The following METTL15 variants were observed in gnomAD, a reference collection of about 807,000 sequenced individuals.
The protein encoded by METTL15 is 12S rRNA N(4)-cytidine methyltransferase METTL15.
In METTL15, 34 loss-of-function variants were observed where a neutral mutation model predicts 38.3. The ratio of observed to expected loss-of-function variants is 0.89; its 90% CI spans 0.68 to 1.18. METTL15 has a LOEUF of 1.18. METTL15 is among the 50% of genes most tolerant of loss of function. METTL15 has a pLI of 0.00. For missense variants in METTL15, 438 were observed against 498.4 expected (o/e 0.88, Z 1.15); for synonymous variants, 162 against 170.9 (o/e 0.95, Z 0.41).
intron 5 of METTL15, among the ~76,000 whole-genome samples, chr11:28,380,144 C>T (rs981885623): frequency 3.5e-5 from 5 of 142,828 alleles, no homozygotes; most frequent in Non-Finnish European, 7.6e-5. Context: ...AGATCTTGTT[C>T]TTTATCCATT....
At chr11:28,404,148 G>C (rs754430345) in intron 5 of METTL15, among the ~76,000 whole-genome samples, 3 of 151,970 alleles carry the variant, frequency 2.0e-5, no homozygotes, top group Non-Finnish European at 2.9e-5. Context: ...AGAGATTAAA[G>C]ATACCTTTTG....
intron 5 of METTL15, among the ~76,000 whole-genome samples, chr11:28,370,350 T>C (rs1350312453): frequency 3.3e-5 from 5 of 151,974 alleles, no homozygotes; most frequent in African/African-American, 9.7e-5. Context: ...TCTAGCATAA[T>C]TACCTATAGT....
At chr11:28,228,837 A>T (rs1460139363) in intron 4 of METTL15, among the ~76,000 whole-genome samples, 3 of 151,878 alleles carry the variant, frequency 2.0e-5, no homozygotes, top group Non-Finnish European at 4.4e-5. Context: ...AACTTTGCAG[A>T]CTTACAAGGT....
chr11:28,429,401 T>G (rs1027531239), intron 6 of METTL15, among the ~76,000 whole-genome samples: 1 of 27,610 alleles, frequency 3.6e-5, no homozygotes, highest in Non-Finnish European at 6.8e-5. Flanking sequence ...CTCCCCACGG[T>G]CTCCCTCTCA....
chr11:28,423,433 C>T (rs1421608728), intron 5 of METTL15, among the ~76,000 whole-genome samples: 1 of 151,820 alleles, frequency 6.6e-6, no homozygotes, highest in East Asian at 1.9e-4. Flanking sequence ...TCACAATAGC[C>T]AAGATTTGGA....
chr11:28,436,054 G>A (rs1190891914), intron 6 of METTL15, among the ~76,000 whole-genome samples: 1 of 152,156 alleles, frequency 6.6e-6, no homozygotes, highest in Non-Finnish European at 1.5e-5. Flanking sequence ...CAGTCAATAA[G>A]AGCCAGTTGG....
chr11:28,208,007 T>C (rs1852438046), intron 3 of METTL15, among the ~76,000 whole-genome samples: 1 of 152,302 alleles, frequency 6.6e-6, no homozygotes, highest in East Asian at 1.9e-4. Context: ...TCATTTCTTC[T>C]TTATTAGTCT....
chr11:28,210,494 T>C (rs1377384864), intron 3 of METTL15, among the ~76,000 whole-genome samples: 2 of 151,914 alleles, frequency 1.3e-5, no homozygotes, highest in Non-Finnish European at 2.9e-5. Flanking sequence ...CATTTTTTTT[T>C]CTTCTCAGTT....
At chr11:28,357,546 A>G (rs2133365685) in intron 4 of METTL15, among the ~76,000 whole-genome samples, 1 of 152,280 alleles carries the variant, frequency 6.6e-6, no homozygotes, top group Non-Finnish European at 1.5e-5. Context: ...AACTCTTTGT[A>G]CCTTCATTGT....
intron 6 of METTL15, among the ~76,000 whole-genome samples, chr11:28,472,316 A>G (rs953972617): frequency 4.6e-5 from 7 of 152,174 alleles, no homozygotes; most frequent in African/African-American, 1.7e-4. Context: ...AAAGCACTCA[A>G]TAAAGTAGTC....
chr11:28,170,134 T>C (rs891514297), intron 3 of METTL15, among the ~76,000 whole-genome samples: 1 of 152,100 alleles, frequency 6.6e-6, no homozygotes, highest in African/African-American at 2.4e-5. Context: ...TTCCAGAGAA[T>C]TCTCTAATCT....
chr11:28,121,612 CT>C (rs1206546003), intron 3 of METTL15, among the ~76,000 whole-genome samples: 1 of 152,106 alleles, frequency 6.6e-6, no homozygotes, highest in East Asian at 1.9e-4. Flanking sequence ...AGCGAATTAT[CT>C]TTTTGAAGAA....
chr11:28,453,689 T>C (rs139999957), intron 6 of METTL15, among the ~76,000 whole-genome samples: 1 of 152,338 alleles, frequency 6.6e-6, no homozygotes, highest in East Asian at 1.9e-4. Context: ...CAAGATGGCT[T>C]TTGGATCTCT....
intron 3 of METTL15, among the ~76,000 whole-genome samples, chr11:28,137,669 G>A (rs1333947988): frequency 6.6e-6 from 1 of 152,046 alleles, no homozygotes; most frequent in East Asian, 1.9e-4. Context: ...TATCTGACCA[G>A]CATAATTCAG....
At chr11:28,234,383 G>C (rs1222804191) in intron 4 of METTL15, among the ~76,000 whole-genome samples, 1 of 151,636 alleles carries the variant, frequency 6.6e-6, no homozygotes, top group Admixed American at 6.6e-5. Context: ...TCGCCACACT[G>C]ACTTCCAAAA....
intron 5 of METTL15, among the ~76,000 whole-genome samples, chr11:28,391,141 G>A (rs376902407): frequency 2.0e-5 from 3 of 151,930 alleles, no homozygotes; most frequent in Non-Finnish European, 2.9e-5. Context: ...TGAGACAATG[G>A]GGTTTTCTAG....
At chr11:28,425,597 G>A (rs1310730179) in intron 6 of METTL15, among the ~76,000 whole-genome samples, 2 of 152,034 alleles carry the variant, frequency 1.3e-5, no homozygotes, top group Non-Finnish European at 2.9e-5. Flanking sequence ...TCACCTAAGC[G>A]GCCTCACCTT....
chr11:28,124,245 TC>T (rs1481602662), intron 3 of METTL15, among the ~76,000 whole-genome samples: 2 of 152,118 alleles, frequency 1.3e-5, no homozygotes, highest in Admixed American at 1.3e-4. Context: ...TAGAAGATCT[TC>T]AGAGCTTGTT....
intron 6 of METTL15, among the ~76,000 whole-genome samples, chr11:28,314,596 A>C (rs1005259488): frequency 6.6e-6 from 1 of 152,222 alleles, no homozygotes; most frequent in Non-Finnish European, 1.5e-5. Flanking sequence ...CAGTAATTAA[A>C]TATAAAGGTG....
Sources: gnomAD v4.1 joint callset for allele counts (sites outside exome capture counted in the v4.1 genomes callset) on GRCh38, gnomAD v4.1.1 for gene constraint, MANE v1.5 for transcripts, NCBI Gene and HGNC (gene_info 2026-07-23, HGNC 2026-07-21) for gene names.